The following RIMS1 variants were observed in gnomAD, a reference collection of about 807,000 sequenced individuals.
The protein encoded by RIMS1 is regulating synaptic membrane exocytosis 1.
A neutral mutation model predicts 214.1 loss-of-function variants in RIMS1; 83 were observed. The observed-to-expected ratio is 0.39, with a 90% CI of 0.32 to 0.47. The LOEUF (loss-of-function observed/expected upper bound fraction) is 0.47, where lower values mean the gene tolerates loss of function less well. Among genes scored for constraint, RIMS1 ranks in the 20% least tolerant of loss-of-function variants. The probability of loss-of-function intolerance (pLI) is 0.99; values close to 1 mark genes in which losing one functional copy is unlikely to be tolerated. For missense variants in RIMS1, 2,050 were observed against 2,161.8 expected (o/e 0.95, Z 1.03); for synonymous variants, 793 against 786.8 (o/e 1.01, Z -0.13).
At position 72,401,897 on chromosome 6, in the gene RIMS1, G is replaced by C. The variant is rs2098837345; in HGVS notation, c.*1183G>C. On this transcript the variant is annotated 3_prime_UTR_variant, in exon 34 of 34. Transcript: ENST00000521978. ...TTACATTTCTTTGAGATTGATGCAA[G>C]CACAAAGCTTGATTTTTTAATGCAA... 3.9e-5 allele frequency: 6 copies of C among 152,630 alleles called. 1 individual carries two copies. In the South Asian group the frequency reaches 1.2e-3, roughly 32 times the overall value. The allele number at this position is 152,630 out of a possible 1,614,324, so 9.5% of individuals were successfully genotyped here.
intron 29 of RIMS1, among the ~76,000 whole-genome samples, chr6:72,337,565 A>G (rs967838920): frequency 2.0e-5 from 3 of 151,092 alleles, no homozygotes; most frequent in Non-Finnish European, 4.4e-5. Flanking sequence ...TATTATTCCC[A>G]TTTTTTTCTT....
Position 72,313,727 on chromosome 6 carries a change from A to T in RIMS1, c.4130+55A>T, listed in dbSNP as rs1365019467. ...GGATCTTTATCTGTGATATAAAAAT[A>T]CAACTAGCTTCCTGAATATTTTTTC... is the stretch of plus-strand genomic sequence containing the variant. On this transcript the variant is annotated intron_variant, in intron 28 of 33. Coordinates refer to ENST00000521978, the MANE Select transcript of RIMS1 (RefSeq NM_014989.7). 11 of 1,493,182 alleles carry T rather than the reference A, an allele frequency of 7.4e-6. No homozygotes were observed. The Admixed American group carries it at 1.8e-4, about 24-fold the overall frequency. The allele number at this position is 1,493,182 out of a possible 1,614,324, so 92.5% of individuals were successfully genotyped here.
chr6:72,355,152 T>C (rs929038629), intron 29 of RIMS1, among the ~76,000 whole-genome samples: 1 of 152,172 alleles, frequency 6.6e-6, no homozygotes, highest in African/African-American at 2.4e-5. Context: ...ACTTAATAAT[T>C]TTTGACAAAA....
chr6:71,901,158 T>A (rs2150456823), intron 1 of RIMS1, among the ~76,000 whole-genome samples: 1 of 152,196 alleles, frequency 6.6e-6, no homozygotes, highest in Non-Finnish European at 1.5e-5. Flanking sequence ...AAAAGTCTTA[T>A]ATATTGATTG....
intron 21 of RIMS1, 42 bp downstream of exon 21, chr6:72,265,545 A>G: frequency 1.6e-6 from 2 of 1,235,404 alleles, no homozygotes; most frequent in Non-Finnish European, 2.3e-6. Context: ...TCCCTTGTTT[A>G]TTGTTGTGAA....
intron 19 of RIMS1, chr6:72,261,937 G>C (rs1228953967): frequency 2.0e-6 from 2 of 984,254 alleles, no homozygotes; most frequent in East Asian, 2.3e-4. Flanking sequence ...GAACTATCCA[G>C]GTTTATTATT....
chr6:72,145,392 T>A (rs1048499075), intron 4 of RIMS1, among the ~76,000 whole-genome samples: 1 of 152,106 alleles, frequency 6.6e-6, no homozygotes, highest in Non-Finnish European at 1.5e-5. Context: ...AGGCAGGTGG[T>A]CCACAAGGCC....
In RIMS1 at chr6:72,182,648, G is replaced by T; in HGVS notation, c.1177G>T (p.Val393Leu). The T allele has an allele frequency of 1.3e-6, 2 of 1,529,482 alleles. No homozygotes were observed. Among genetic ancestry groups the T allele is most frequent in the Admixed American group, 2.0e-5 (1 of 49,532 alleles). The allele number at this position is 1,529,482 out of a possible 1,614,324, so 94.7% of individuals were successfully genotyped here. Reference protein sequence around the residue: ...RARHERRHSDVALPRTEAGAA... With the variant: ...RARHERRHSDLALPRTEAGAA... ...CAGGCACGAGCGGCGCCACAGCGAC[G>T]TGGCGCTCCCGCGCACCGAGGCGGG... The change falls in exon 6 of 34, where the codon GTG (valine) becomes TTG (leucine). Residue 393 changes from valine to leucine, a missense_variant. Transcript: ENST00000521978.
chr6:72,366,605 A>G (rs897903660), intron 29 of RIMS1: 1 of 762,884 alleles, frequency 1.3e-6, no homozygotes, highest in Non-Finnish European at 1.6e-6. Flanking sequence ...TGGTCTTACA[A>G]TAAGCTATAG....
At chr6:72,058,555 T>C (rs1251794909) in intron 2 of RIMS1, among the ~76,000 whole-genome samples, 1 of 152,180 alleles carries the variant, frequency 6.6e-6, no homozygotes, top group African/African-American at 2.4e-5. Flanking sequence ...TCATATGTGT[T>C]TGTGCTCCTA....
chr6:71,959,716 C>T (rs1051406011), intron 1 of RIMS1, among the ~76,000 whole-genome samples: 3 of 151,692 alleles, frequency 2.0e-5, no homozygotes, highest in African/African-American at 7.3e-5. Flanking sequence ...GCTTACAACT[C>T]GAAATATTCT....
At chr6:72,197,193 C>T (rs1297721994) in intron 6 of RIMS1, among the ~76,000 whole-genome samples, 1 of 152,058 alleles carries the variant, frequency 6.6e-6, no homozygotes, top group Non-Finnish European at 1.5e-5. Context: ...ACTCTATTCA[C>T]AAATGTCAGA....
At chr6:72,038,183 T>C (rs1383971571) in intron 2 of RIMS1, among the ~76,000 whole-genome samples, 1 of 130,440 alleles carries the variant, frequency 7.7e-6, no homozygotes, top group Non-Finnish European at 1.6e-5. Context: ...CCACCCCCAG[T>C]TTTCCAAGGA....
At chr6:72,064,489 G>C (rs901098831) in intron 2 of RIMS1, among the ~76,000 whole-genome samples, 1 of 152,124 alleles carries the variant, frequency 6.6e-6, no homozygotes, top group African/African-American at 2.4e-5. Flanking sequence ...CTGTCCTCTG[G>C]GAGGGAGGGA....
intron 19 of RIMS1, chr6:72,263,413 A>C (rs1479338436): frequency 1.0e-6 from 1 of 978,092 alleles, no homozygotes; most frequent in Non-Finnish European, 1.2e-6. Flanking sequence ...CATTTTGTGG[A>C]TGTAGAAACA....
chr6:72,026,202 C>A (rs79437721), intron 2 of RIMS1, among the ~76,000 whole-genome samples: 11,110 of 152,220 alleles, frequency 0.073, 468 homozygotes, highest in Middle Eastern at 0.13. Context: ...AAAACAGCAA[C>A]ATTTTATTAT....
chr6:72,206,085 T>C (rs944687457), intron 6 of RIMS1, among the ~76,000 whole-genome samples: 1 of 152,164 alleles, frequency 6.6e-6, no homozygotes, highest in Non-Finnish European at 1.5e-5. Flanking sequence ...ACCCCTACCA[T>C]AGTTATATTC....
At chr6:72,072,403 C>T (rs915335406) in intron 2 of RIMS1, among the ~76,000 whole-genome samples, 1 of 152,072 alleles carries the variant, frequency 6.6e-6, no homozygotes, top group Non-Finnish European at 1.5e-5. Flanking sequence ...ATTCTATAGT[C>T]ATTCAAAGAA....
chr6:72,013,570 A>G (rs1319328187), intron 2 of RIMS1, among the ~76,000 whole-genome samples: 1 of 152,218 alleles, frequency 6.6e-6, no homozygotes, highest in African/African-American at 2.4e-5. Flanking sequence ...CTGAAAATCC[A>G]GGAGAGAGGC....
Sources: gnomAD v4.1 joint callset for allele counts (sites outside exome capture counted in the v4.1 genomes callset) on GRCh38, gnomAD v4.1.1 for gene constraint, MANE v1.5 for transcripts, NCBI Gene and HGNC (gene_info 2026-07-23, HGNC 2026-07-21) for gene names.